Variants in PSD3 observed in about 807,000 individuals in gnomAD.
The protein encoded by PSD3 is pleckstrin and Sec7 domain containing 3, also known as PH and SEC7 domain-containing protein 3.
A neutral mutation model predicts 105.5 loss-of-function variants in PSD3; 49 were observed. The ratio of observed to expected loss-of-function variants is 0.46; its 90% confidence interval spans 0.37 to 0.59. The LOEUF (loss-of-function observed/expected upper bound fraction) is 0.59. PSD3 is among the 20% of genes least tolerant of loss of function. The pLI is 0.00. For synonymous variants in PSD3, 557 were observed against 457.8 expected (o/e 1.22, Z -2.77); for missense variants, 1,561 against 1,263.8 (o/e 1.24, Z -3.57).
chr8:18,808,061 T>C (rs1317162409), intron 4 of PSD3, among the ~76,000 whole-genome samples: 4 of 152,232 alleles, frequency 2.6e-5, no homozygotes, highest in Non-Finnish European at 5.9e-5. Context: ...AAACTCACAG[T>C]AGAAATTTCT....
intron 14 of PSD3, among the ~76,000 whole-genome samples, chr8:18,570,986 A>G (rs6984833): frequency 0.15 from 22,828 of 151,714 alleles, 2,032 homozygotes; most frequent in East Asian, 0.38. Flanking sequence ...CCACCTCCCA[A>G]GTAGCTGGGA....
chr8:18,540,101 G>A (rs1232362289), intron 15 of PSD3, among the ~76,000 whole-genome samples: 2 of 152,188 alleles, frequency 1.3e-5, no homozygotes, highest in African/African-American at 2.4e-5. Flanking sequence ...AGTTTCCACT[G>A]CTGCCCTGTG....
At chr8:18,694,412 C>T (rs1801147682) in intron 9 of PSD3, among the ~76,000 whole-genome samples, 2 of 152,180 alleles carry the variant, frequency 1.3e-5, no homozygotes, top group Admixed American at 1.3e-4. Context: ...AGATCGAGAC[C>T]ATCCTGGCTA....
chr8:18,584,142 T>C (rs978581333), intron 12 of PSD3, among the ~76,000 whole-genome samples: 5 of 152,178 alleles, frequency 3.3e-5, no homozygotes, highest in Non-Finnish European at 7.4e-5. Context: ...ACTCAACTAA[T>C]AGAAGATACG....
intron 11 of PSD3, among the ~76,000 whole-genome samples, chr8:18,632,138 G>A (rs993726126): frequency 2.6e-5 from 4 of 152,018 alleles, no homozygotes; most frequent in African/African-American, 4.8e-5. Flanking sequence ...CTTCTCAAAG[G>A]CGAGTCATTC....
intron 9 of PSD3, among the ~76,000 whole-genome samples, chr8:18,665,969 T>A (rs1799427625): frequency 6.6e-6 from 1 of 152,214 alleles, no homozygotes; most frequent in Non-Finnish European, 1.5e-5. Context: ...GCCATCAACA[T>A]CAAGGTGAGA....
chr8:18,713,344 C>T (rs979712170), intron 9 of PSD3, among the ~76,000 whole-genome samples: 3 of 152,120 alleles, frequency 2.0e-5, no homozygotes, highest in Non-Finnish European at 2.9e-5. Context: ...GTCAAATTGT[C>T]TTTGTTTGCA....
intron 1 of PSD3, among the ~76,000 whole-genome samples, chr8:19,043,602 G>T (rs185841226): frequency 1.6e-3 from 242 of 152,332 alleles, no homozygotes; most frequent in African/African-American, 5.7e-3. Flanking sequence ...TTATGCTGAA[G>T]TTAAATTGCC....
At chr8:18,625,587 G>C (rs981746277) in intron 11 of PSD3, among the ~76,000 whole-genome samples, 2 of 152,168 alleles carry the variant, frequency 1.3e-5, no homozygotes, top group African/African-American at 4.8e-5. Context: ...ATGCTACACA[G>C]TGACAGACTG....
chr8:18,595,803 T>C (rs1040015039), intron 12 of PSD3, among the ~76,000 whole-genome samples: 1 of 151,956 alleles, frequency 6.6e-6, no homozygotes, highest in Non-Finnish European at 1.5e-5. Flanking sequence ...AAATTAACAA[T>C]AGTAGGAGAT....
At position 18,938,414 on chromosome 8, in the gene PSD3, GA is replaced by G. The variant is rs746556530; in HGVS notation, c.22-2273del. On this transcript the variant is annotated intron_variant, in intron 1 of 15. Coordinates refer to ENST00000327040, the MANE Select transcript of PSD3 (RefSeq NM_015310.4). ...GGGTGGGCGCACCACTTGAGGTCAG[GA>G]GTTCGAGACCAGCCTGGCCAACATG... Among the ~76,000 whole-genome samples the G allele has an allele frequency of 5.3e-5, 8 of 152,040 alleles. No homozygotes were observed. The South Asian group carries it at 1.2e-3, about 24-fold the overall frequency.
chr8:18,786,658 G>C (rs921495327), intron 8 of PSD3: 5 of 152,220 alleles, frequency 3.3e-5, no homozygotes, highest in African/African-American at 9.6e-5. Context: ...GTCCTACGCA[G>C]TAAGCAAGTA....
At chr8:18,613,760 A>T (rs189725297) in intron 11 of PSD3, among the ~76,000 whole-genome samples, 4 of 152,284 alleles carry the variant, frequency 2.6e-5, no homozygotes. Context: ...GGCTGCCTGC[A>T]CCACTGGCAA....
rs11440661 is a variant in PSD3, at chr8:18,967,160, A to ATT, written c.22-31020_22-31019dup. 4.0e-3 allele frequency among the ~76,000 whole-genome samples: 588 copies of ATT among 147,396 alleles called. 9 individuals carry two copies. Among genetic ancestry groups the ATT allele is most frequent in the African/African-American group, 0.011 (442 of 39,956 alleles). ...TTAGGATTTTCTTTTTTCTTTATTT[A>ATT]TTTTTTTTTTTTGAGACGGAGTTTC... On this transcript the variant is annotated intron_variant, in intron 1 of 15. Transcript: ENST00000327040.
chr8:18,885,625 C>A lies in PSD3; in HGVS notation c.131-12892G>T, dbSNP rs571052405. Among the ~76,000 whole-genome samples, 3 of 152,264 alleles carry A rather than the reference C, an allele frequency of 2.0e-5. No individual in the cohort carries two copies. In the South Asian group the frequency reaches 6.2e-4, roughly 32 times the overall value. On this transcript the variant is annotated intron_variant, in intron 2 of 15. Coordinates refer to ENST00000327040, the MANE Select transcript of PSD3 (RefSeq NM_015310.4). ...ACCTCACTCAGCCTCCAGTGTGTAG[C>A]AGACTCAGGACTCAGCTGATCCACA... is the stretch of plus-strand genomic sequence containing the variant.
intron 4 of PSD3, among the ~76,000 whole-genome samples, chr8:18,832,143 G>A (rs1255747409): frequency 2.6e-5 from 4 of 152,028 alleles, no homozygotes; most frequent in Admixed American, 2.6e-4. Flanking sequence ...CTTTATTATA[G>A]GTGGAGTTCT....
At chr8:18,793,866 T>C (rs11780872) in intron 8 of PSD3, among the ~76,000 whole-genome samples, 110,522 of 152,050 alleles carry the variant, frequency 0.73, 41,530 homozygotes, top group Non-Finnish European at 0.82. Flanking sequence ...TTCTTGAGGA[T>C]ATTAACTCTA....
At chr8:18,792,630 G>A (rs1356025702) in intron 8 of PSD3, among the ~76,000 whole-genome samples, 1 of 152,068 alleles carries the variant, frequency 6.6e-6, no homozygotes, top group Non-Finnish European at 1.5e-5. Context: ...TTAATACCTG[G>A]GTGATGGGCC....
At chr8:19,035,757 TG>T (rs200303408) in intron 1 of PSD3, among the ~76,000 whole-genome samples, 3 of 149,314 alleles carry the variant, frequency 2.0e-5, no homozygotes, top group African/African-American at 4.9e-5. Flanking sequence ...ATACTTTTTT[TG>T]GGGGGGGTGT....
Sources: allele counts gnomAD v4.1 joint callset (sites outside exome capture counted in the v4.1 genomes callset), GRCh38; gene constraint gnomAD v4.1.1; transcripts MANE v1.5; gene names NCBI Gene and HGNC (gene_info 2026-07-23, HGNC 2026-07-21).